The following C11orf65 variants were observed in gnomAD, a reference collection of about 807,000 sequenced individuals.
C11orf65 encodes protein MFI.
In C11orf65, 38 loss-of-function variants were observed where a neutral mutation model predicts 35.3. That is an observed-to-expected ratio of 1.08 (90% CI 0.83 to 1.41). The LOEUF (loss-of-function observed/expected upper bound fraction) is 1.41, where lower values mean the gene tolerates loss of function less well. C11orf65 is among the 40% of genes most tolerant of loss of function. The pLI is 0.00. For synonymous variants in C11orf65, 105 were observed against 114.4 expected, an observed-to-expected ratio of 0.92 and a Z score of 0.53; for missense variants, 370 against 367.1, an observed-to-expected ratio of 1.01 and a Z score of -0.06.
downstream of C11orf65, among the ~76,000 whole-genome samples, chr11:108,378,790 A>G (rs1351845413): frequency 6.9e-6 from 1 of 145,742 alleles, no homozygotes; most frequent in African/African-American, 2.6e-5. Flanking sequence ...TACAAGAAAA[A>G]AACAACCCCA....
Position 108,393,248 on chromosome 11 carries a change from C to T in C11orf65, c.691G>A (p.Asp231Asn). The T allele has an allele frequency of 6.2e-7, 1 of 1,614,068 alleles. No homozygotes were observed. The highest frequency in any genetic ancestry group is 8.5e-7 in the Non-Finnish European group (1 of 1,179,990). Residue 231 changes from aspartate (D) to asparagine (N), a missense_variant, in exon 7 of 9, where the codon GAT becomes AAT. Coordinates refer to ENST00000393084, the MANE Select transcript of C11orf65 (RefSeq NM_152587.5). ...GTATTTGTCCAGTTCAGCACTTCATCCACTTCCCATTCCATCACAGAATCT... is the reference window on the plus strand; with the variant it reads ...GTATTTGTCCAGTTCAGCACTTCATTCACTTCCCATTCCATCACAGAATCT... ...GIDSVMEWEV[D>N]EVLNWTNTLN...
At chr11:108,350,756 G>C (rs396552) in intron 2 of C11orf65, among the ~76,000 whole-genome samples, 94,437 of 151,852 alleles carry the variant, frequency 0.62, 29,664 homozygotes, top group Middle Eastern at 0.76. Flanking sequence ...AATGAAAGGA[G>C]AGTGGTCTGG....
rs972348231 is a variant in C11orf65, at chr11:108,325,537, A to T, written c.641-16466T>A. The T allele has an allele frequency of 3.1e-6, 5 of 1,598,760 alleles. No homozygotes were observed. Among genetic ancestry groups the T allele is most frequent in the Non-Finnish European group, 4.3e-6 (5 of 1,168,400 alleles). On this transcript the variant is annotated intron_variant, in intron 6 of 6. Coordinates refer to the C11orf65 transcript ENST00000525729. ...TCTATACTGGCCAGAACTTTCAAGA[A>T]CACTCAGGTAAATACAATTTAAAAC...
intron 2 of C11orf65, among the ~76,000 whole-genome samples, chr11:108,373,528 G>C (rs2091628414): frequency 6.6e-6 from 1 of 152,156 alleles, no homozygotes; most frequent in African/African-American, 2.4e-5. Context: ...GTTTTAAAAA[G>C]GAAGAAGTGG....
intron 3 of C11orf65, among the ~76,000 whole-genome samples, chr11:108,425,426 C>G (rs1377886803): frequency 6.6e-6 from 1 of 152,152 alleles, no homozygotes; most frequent in Non-Finnish European, 1.5e-5. Flanking sequence ...TGGACACATA[C>G]ACCCTCCCAA....
chr11:108,314,469 T>C (rs936127851), intron 6 of C11orf65, among the ~76,000 whole-genome samples: 1 of 150,570 alleles, frequency 6.6e-6, no homozygotes, highest in South Asian at 2.1e-4. Flanking sequence ...TTTTTTTTTA[T>C]GTGATATAAG....
intron 3 of C11orf65, among the ~76,000 whole-genome samples, chr11:108,424,491 G>A (rs1342454890): frequency 6.6e-6 from 1 of 152,048 alleles, no homozygotes; most frequent in Non-Finnish European, 1.5e-5. Context: ...TCCCAATACA[G>A]GAACACTCAG....
At chr11:108,441,704 C>A (rs1011935129) in intron 2 of C11orf65, among the ~76,000 whole-genome samples, 2 of 152,216 alleles carry the variant, frequency 1.3e-5, no homozygotes, top group Admixed American at 6.5e-5. Flanking sequence ...GATACCCAGG[C>A]AAACAAGGTC....
intron 3 of C11orf65, among the ~76,000 whole-genome samples, chr11:108,417,958 C>G (rs1182158888): frequency 6.6e-5 from 3 of 45,626 alleles, no homozygotes; most frequent in Non-Finnish European, 1.4e-4. Context: ...GTAAAACTTT[C>G]TGATTTGTTA....
rs1272012452 is a variant in C11orf65 at position 108,393,311 on chromosome 11, T to C, written c.628A>G (p.Thr210Ala). The change falls in exon 7 of 9, where the codon ACA (threonine) becomes GCA (alanine). Residue 210 changes from threonine to alanine, a missense_variant. Coordinates refer to ENST00000393084, the MANE Select transcript of C11orf65 (RefSeq NM_152587.5). ...TCAAAAGCTCTAATCAGCCCCTTTGTTGCAGTGTGAATTAGTCCTAGAGTT... is the reference window on the plus strand; with the variant it reads ...TCAAAAGCTCTAATCAGCCCCTTTGCTGCAGTGTGAATTAGTCCTAGAGTT... ...HETLGLIHTA[T>A]KGLIRAFEDG... 1 of 1,614,102 alleles carries C rather than the reference T, an allele frequency of 6.2e-7. No individual in the cohort carries two copies. Among genetic ancestry groups the C allele is most frequent in the African/African-American group, 1.3e-5 (1 of 75,062 alleles).
intron 2 of C11orf65, among the ~76,000 whole-genome samples, chr11:108,433,729 T>C (rs1408233397): frequency 6.7e-6 from 1 of 148,560 alleles, no homozygotes; most frequent in Non-Finnish European, 1.5e-5. Flanking sequence ...ACAGGGCTTG[T>C]TAGGCTTGGC....
At chr11:108,393,132 A>T in intron 7 of C11orf65, 76 bp downstream of exon 7, 1 of 1,444,512 alleles carries the variant, frequency 6.9e-7, no homozygotes, top group Non-Finnish European at 9.3e-7. Context: ...CCCAAGATTC[A>T]ACAAGGAAAT....
Position 108,423,379 on chromosome 11 carries a change from C to T in C11orf65, c.174+8367G>A, listed in dbSNP as rs541036446. ...ACAACAGTCTGAAATCGACCTGGGA[C>T]ACTGGAGTTTGGTGGGGGGAGGGAC... On this transcript the variant is annotated intron_variant, in intron 3 of 8. Transcript: ENST00000393084. Among the ~76,000 whole-genome samples the T allele has an allele frequency of 5.5e-4, 83 of 152,234 alleles. No individual in the cohort carries two copies. In the South Asian group the frequency reaches 5.6e-3, roughly 10 times the overall value.
downstream of C11orf65, chr11:108,330,373 C>T (rs767846264): frequency 1.2e-6 from 2 of 1,614,112 alleles, no homozygotes; most frequent in East Asian, 4.5e-5. Flanking sequence ...GACTTTGTTC[C>T]CTCTGGCTTG....
At chr11:108,334,147 G>C (rs2086579947) in intron 3 of C11orf65, among the ~76,000 whole-genome samples, 1 of 152,030 alleles carries the variant, frequency 6.6e-6, no homozygotes, top group African/African-American at 2.4e-5. Flanking sequence ...ATACTCAAAA[G>C]CTTCTCCTGC....
intron 6 of C11orf65, chr11:108,316,172 G>C (rs2136135823): frequency 7.0e-7 from 1 of 1,436,314 alleles, no homozygotes; most frequent in African/African-American, 1.4e-5. Context: ...GGTTATTTCA[G>C]TATGTTGGTG....
intron 2 of C11orf65, among the ~76,000 whole-genome samples, chr11:108,354,209 C>G (rs1449470655): frequency 6.6e-6 from 1 of 152,042 alleles, no homozygotes; most frequent in Non-Finnish European, 1.5e-5. Flanking sequence ...ATAATAGTTC[C>G]TCTTCCTTCC....
chr11:108,453,200 T>A (rs2093373277), intron 2 of C11orf65, among the ~76,000 whole-genome samples: 1 of 135,868 alleles, frequency 7.4e-6, no homozygotes, highest in African/African-American at 2.7e-5. Context: ...TGCCACCTCC[T>A]GTCAACAGGA....
intron 2 of C11orf65, among the ~76,000 whole-genome samples, chr11:108,371,688 T>A (rs1416938306): frequency 6.6e-6 from 1 of 152,238 alleles, no homozygotes; most frequent in Admixed American, 6.5e-5. Flanking sequence ...ATTGTGAATA[T>A]TGTCACTATT....
Sources: allele counts gnomAD v4.1 joint callset (sites outside exome capture counted in the v4.1 genomes callset), GRCh38; gene constraint gnomAD v4.1.1; transcripts MANE v1.5; gene names NCBI Gene and HGNC (gene_info 2026-07-23, HGNC 2026-07-21).